FHAD1: variants seen among roughly 807,000 people sequenced by gnomAD.
FHAD1 encodes the protein forkhead-associated domain-containing protein 1.
Under a neutral mutation model 191.3 loss-of-function variants are expected in FHAD1, and 146 were observed. That is an observed-to-expected ratio of 0.76 (90% CI 0.67 to 0.88). The LOEUF is 0.88. FHAD1 is among the 40% of genes least tolerant of loss of function. The probability of loss-of-function intolerance (pLI) is 0.00; values close to 1 mark genes in which losing one functional copy is unlikely to be tolerated. For missense variants in FHAD1, 1,635 were observed against 1,785.8 expected (o/e 0.92, Z 1.52); for synonymous variants, 616 against 672.3 (o/e 0.92, Z 1.29).
chr1:15,368,272 C>A (rs1697103315), intron 25 of FHAD1, among the ~76,000 whole-genome samples: 1 of 152,142 alleles, frequency 6.6e-6, no homozygotes, highest in Non-Finnish European at 1.5e-5. Context: ...CCGCGCCCGG[C>A]CCCATTGCCT....
intron 13 of FHAD1, 37 bp downstream of exon 13, chr1:15,328,466 T>G: frequency 7.4e-7 from 1 of 1,358,764 alleles, no homozygotes; most frequent in Non-Finnish European, 9.6e-7. Context: ...ATGGTCTCTT[T>G]GTCTAATTTT....
intron 20 of FHAD1, among the ~76,000 whole-genome samples, chr1:15,353,468 G>C (rs1163934003): frequency 2.0e-5 from 3 of 152,108 alleles, no homozygotes; most frequent in Non-Finnish European, 4.4e-5. Flanking sequence ...ATTTTGGGAG[G>C]CTGAAGTGGG....
At chr1:15,341,992 CTGTT>C (rs1369774760) in intron 16 of FHAD1, 104 bp downstream of exon 16, 4 of 928,808 alleles carry the variant, frequency 4.3e-6, no homozygotes, top group Admixed American at 7.2e-5. Flanking sequence ...CTCAGCTACT[CTGTT>C]TGGTGCCATG....
chr1:15,360,953 G>A (rs921888442), intron 22 of FHAD1, among the ~76,000 whole-genome samples: 1 of 152,168 alleles, frequency 6.6e-6, no homozygotes, highest in African/African-American at 2.4e-5. Context: ...GAGACACACA[G>A]GCTACCGGGG....
chr1:15,271,643 A>G (rs78907099), intron 2 of FHAD1, among the ~76,000 whole-genome samples: 1,888 of 68,216 alleles, frequency 0.028, 55 homozygotes, highest in African/African-American at 0.088. Context: ...TTTATTGTAC[A>G]TCAAGGTTTT....
At chr1:15,286,909 T>G (rs562456824) in intron 3 of FHAD1, 24 of 152,370 alleles carry the variant, frequency 1.6e-4, no homozygotes, top group African/African-American at 4.6e-4. Context: ...TGAAAGTAGA[T>G]TCCTCCACCA....
intron 3 of FHAD1, among the ~76,000 whole-genome samples, chr1:15,280,957 A>C (rs147946567): frequency 5.6e-4 from 85 of 152,324 alleles, no homozygotes; most frequent in Non-Finnish European, 1.1e-3. Flanking sequence ...TGAATAGCTC[A>C]AAGGGACCTA....
intron 1 of FHAD1, among the ~76,000 whole-genome samples, chr1:15,248,579 C>CTT (rs1372399549): frequency 3.4e-5 from 5 of 145,068 alleles, no homozygotes; most frequent in East Asian, 2.0e-4. Context: ...AGGAGATGAC[C>CTT]TTTTTTTTTT....
chr1:15,260,212 G>T (rs1015594015), intron 2 of FHAD1, among the ~76,000 whole-genome samples: 3 of 152,162 alleles, frequency 2.0e-5, no homozygotes, highest in Non-Finnish European at 2.9e-5. Flanking sequence ...CTGTGATCCT[G>T]GCTCTGCCCT....
At chr1:15,315,000 T>C (rs1673851443) in intron 8 of FHAD1, 1 of 151,900 alleles carries the variant, frequency 6.6e-6, no homozygotes, top group Admixed American at 6.6e-5. Flanking sequence ...GAAGTGCATT[T>C]GGGTTACTTG....
chr1:15,337,912 A>G (rs1684926713), intron 14 of FHAD1, among the ~76,000 whole-genome samples: 1 of 152,144 alleles, frequency 6.6e-6, no homozygotes, highest in African/African-American at 2.4e-5. Flanking sequence ...TGCGTCTCAG[A>G]ACGCCACTGC....
intron 26 of FHAD1, among the ~76,000 whole-genome samples, chr1:15,373,581 A>G (rs1570399256): frequency 6.6e-6 from 1 of 152,204 alleles, no homozygotes; most frequent in African/African-American, 2.4e-5. Flanking sequence ...GGCTGGTTAC[A>G]GTAGCTCATG....
Position 15,325,486 on chromosome 1 carries a change from T to C in FHAD1, c.1473+927T>C, listed in dbSNP as rs1243210960. On this transcript the variant is annotated intron_variant, in intron 11 of 33. Transcript: ENST00000688493. The surrounding 1 kb of genome is among the most constrained non-coding windows in gnomAD (Gnocchi z 4.6). ...CCTTCCATTTTCTACCATCCAAGCC[T>C]TACCAGGCAGTGTGACCAGGCCTTT... The C allele has an allele frequency of 6.6e-6, 1 of 152,298 alleles. No individual in the cohort carries two copies. Among genetic ancestry groups the C allele is most frequent in the African/African-American group, 2.4e-5 (1 of 41,436 alleles). The allele number at this position is 152,298 out of a possible 1,614,324, so 9.4% of individuals were successfully genotyped here. A position where few individuals can be genotyped will look rare whatever the true frequency, so the allele number is the denominator to read the frequency against.
intron 18 of FHAD1, among the ~76,000 whole-genome samples, chr1:15,346,553 C>G (rs1175091177): frequency 6.6e-6 from 1 of 152,222 alleles, no homozygotes; most frequent in African/African-American, 2.4e-5. Context: ...AACCACTGTT[C>G]TCCAGCCACG....
chr1:15,393,829 TGGAGGACAAAGG>T (rs946029680), intron 33 of FHAD1, among the ~76,000 whole-genome samples: 3 of 152,014 alleles, frequency 2.0e-5, no homozygotes, highest in African/African-American at 7.3e-5. Context: ...GCCCAGTGTT[TGGAGGACAAAGG>T]CCCCTGAACT....
intron 10 of FHAD1, among the ~76,000 whole-genome samples, chr1:15,322,704 ACCAGACAGTGCTGCCC>A (rs140031704): frequency 0.028 from 4,231 of 152,320 alleles, 217 homozygotes; most frequent in African/African-American, 0.097. Flanking sequence ...AGAAAGTTCT[ACCAGACAGTGCTGCCC>A]CACCACTTGG....
At chr1:15,365,329 TTTTC>T (rs1024822832) in intron 23 of FHAD1, among the ~76,000 whole-genome samples, 8 of 151,942 alleles carry the variant, frequency 5.3e-5, no homozygotes, top group Non-Finnish European at 1.0e-4. Context: ...GGATTTTCTT[TTTTC>T]TTTCTTTCTT....
At chr1:15,360,758 T>C (rs1570216281) in intron 22 of FHAD1, 55 bp downstream of exon 22, 2 of 1,422,832 alleles carry the variant, frequency 1.4e-6, no homozygotes, top group Non-Finnish European at 1.9e-6. Flanking sequence ...GTTCTGATTG[T>C]CCGCTGGGTC....
At chr1:15,288,208 C>T (rs1663185462) in intron 3 of FHAD1, among the ~76,000 whole-genome samples, 2 of 152,210 alleles carry the variant, frequency 1.3e-5, no homozygotes, top group Admixed American at 6.5e-5. Flanking sequence ...AACCCTCACA[C>T]AAAGGGTCAT....
Sources: allele counts gnomAD v4.1 joint callset (sites outside exome capture counted in the v4.1 genomes callset), GRCh38; gene constraint gnomAD v4.1.1; non-coding constraint Gnocchi (gnomAD v3.1); transcripts MANE v1.5; gene names NCBI Gene and HGNC (gene_info 2026-07-23, HGNC 2026-07-21).